LRBA: variants seen among roughly 807,000 people sequenced by gnomAD.
LRBA encodes the protein LPS responsive beige-like anchor protein, also known as lipopolysaccharide-responsive and beige-like anchor protein.
In LRBA, 176 loss-of-function variants were observed where a neutral mutation model predicts 330.0. That is an observed-to-expected ratio of 0.53 (90% CI 0.47 to 0.60). The LOEUF (loss-of-function observed/expected upper bound fraction) is 0.60, where lower values mean the gene tolerates loss of function less well. Among genes scored for constraint, LRBA ranks in the 20% least tolerant of loss-of-function variants. The probability of loss-of-function intolerance (pLI) is 0.00; values close to 1 mark genes in which losing one functional copy is unlikely to be tolerated. For synonymous variants in LRBA, 1,230 were observed against 1,193.0 expected, an observed-to-expected ratio of 1.03 and a Z score of -0.64; for missense variants, 3,259 against 3,444.8, an observed-to-expected ratio of 0.95 and a Z score of 1.35.
In LRBA at chr4:150,527,311, T is replaced by C. The variant is rs768803419; in HGVS notation, c.6331-36276A>G. ...CAGAGGGCTCTGTACCTGAGGGAAG[T>C]ACTGGCTGAACCAAGGACATAATTT... is the stretch of plus-strand genomic sequence containing the variant. On this transcript the variant is annotated intron_variant, in intron 40 of 56. Coordinates refer to ENST00000651943, the MANE Select transcript of LRBA (RefSeq NM_001364905.1). Among the ~76,000 whole-genome samples the C allele has an allele frequency of 3.9e-5, 6 of 152,308 alleles. No individual in the cohort carries two copies. In the East Asian group the frequency reaches 9.6e-4, roughly 24 times the overall value.
intron 2 of LRBA, among the ~76,000 whole-genome samples, chr4:150,939,765 A>G (rs1735467353): frequency 6.6e-6 from 1 of 152,196 alleles, no homozygotes; most frequent in South Asian, 2.1e-4. Flanking sequence ...CCTTAGAGAA[A>G]GAGGTTTGCG....
intron 46 of LRBA, among the ~76,000 whole-genome samples, chr4:150,422,026 G>A (rs1337056014): frequency 2.0e-5 from 3 of 152,204 alleles, no homozygotes; most frequent in South Asian, 2.1e-4. Flanking sequence ...GGGAGGCCAA[G>A]GTGGGAGGAC....
chr4:150,431,917 C>T (rs1750435825), intron 46 of LRBA, among the ~76,000 whole-genome samples: 1 of 151,828 alleles, frequency 6.6e-6, no homozygotes, highest in Non-Finnish European at 1.5e-5. Context: ...TAAAAGATTG[C>T]TTTAGTGTAA....
At chr4:150,513,435 T>A (rs1054946337) in intron 40 of LRBA, among the ~76,000 whole-genome samples, 2 of 152,158 alleles carry the variant, frequency 1.3e-5, no homozygotes, top group African/African-American at 4.8e-5. Context: ...TGAGGTTGCT[T>A]AACTGGGATG....
At chr4:150,815,353 G>GAA (rs751501832) in intron 31 of LRBA, among the ~76,000 whole-genome samples, 1 of 127,152 alleles carries the variant, frequency 7.9e-6, no homozygotes, top group South Asian at 2.5e-4. Context: ...TTCTCCAAAG[G>GAA]AAAAAAAAAA....
intron 36 of LRBA, among the ~76,000 whole-genome samples, chr4:150,728,202 T>C (rs1193813101): frequency 6.6e-6 from 1 of 151,540 alleles, no homozygotes; most frequent in Admixed American, 6.6e-5. Context: ...GTGACAAGAG[T>C]GAAGCCTTAA....
intron 37 of LRBA, among the ~76,000 whole-genome samples, chr4:150,637,798 G>A (rs955656202): frequency 6.6e-6 from 1 of 152,166 alleles, no homozygotes; most frequent in Middle Eastern, 3.2e-3. Context: ...TGGTGGGCCA[G>A]AGGAAACAGC....
At chr4:150,542,365 G>A (rs1765397992) in intron 40 of LRBA, among the ~76,000 whole-genome samples, 1 of 152,166 alleles carries the variant, frequency 6.6e-6, no homozygotes, top group Admixed American at 6.5e-5. Flanking sequence ...AGAATTAAAT[G>A]AGTTAATGTA....
At chr4:150,937,499 T>C (rs1185719437) in intron 2 of LRBA, among the ~76,000 whole-genome samples, 1 of 152,166 alleles carries the variant, frequency 6.6e-6, no homozygotes, top group African/African-American at 2.4e-5. Flanking sequence ...TGTAATCTTA[T>C]TACCTTTTTT....
intron 40 of LRBA, chr4:150,579,077 A>C: frequency 2.8e-6 from 1 of 356,598 alleles, no homozygotes; most frequent in Non-Finnish European, 5.5e-6. Flanking sequence ...ATCGGTCTGA[A>C]GACTTGAAGT....
intron 22 of LRBA, among the ~76,000 whole-genome samples, chr4:150,865,998 G>A (rs1355402922): frequency 6.6e-6 from 1 of 152,084 alleles, no homozygotes; most frequent in Non-Finnish European, 1.5e-5. Flanking sequence ...TTACAGGCGT[G>A]AGCCACCACA....
chr4:150,883,302 A>C (rs1035562341), intron 17 of LRBA, among the ~76,000 whole-genome samples: 3 of 152,134 alleles, frequency 2.0e-5, no homozygotes, highest in Non-Finnish European at 4.4e-5. Context: ...TCTACTAAAA[A>C]TACAAAAATT....
intron 2 of LRBA, among the ~76,000 whole-genome samples, chr4:150,978,831 C>T (rs1356768820): frequency 1.3e-5 from 2 of 151,964 alleles, no homozygotes; most frequent in Non-Finnish European, 2.9e-5. Flanking sequence ...AAAATACACA[C>T]TTAGAGGAGA....
chr4:150,722,486 T>G (rs1225860252), intron 36 of LRBA, among the ~76,000 whole-genome samples: 1 of 152,128 alleles, frequency 6.6e-6, no homozygotes, highest in Non-Finnish European at 1.5e-5. Flanking sequence ...ACATGAATGT[T>G]ATAAATTTAG....
intron 33 of LRBA, among the ~76,000 whole-genome samples, chr4:150,799,387 G>A (rs1036589776): frequency 1.3e-5 from 2 of 152,140 alleles, no homozygotes; most frequent in Non-Finnish European, 2.9e-5. Flanking sequence ...AAAAGAAAAG[G>A]CAAGCAATAC....
At chr4:150,817,408 C>A in intron 30 of LRBA, 151 bp from the exon 31 acceptor site, 1 of 665,438 alleles carries the variant, frequency 1.5e-6, no homozygotes. Context: ...TTTCACCCAA[C>A]ATGAAATATC....
intron 42 of LRBA, among the ~76,000 whole-genome samples, chr4:150,480,911 T>A (rs1284636908): frequency 6.6e-6 from 1 of 152,208 alleles, no homozygotes; most frequent in Non-Finnish European, 1.5e-5. Context: ...TACAGTGTTA[T>A]ATAGAACTTT....
intron 40 of LRBA, chr4:150,579,079 A>T (rs1049415785): frequency 2.8e-6 from 1 of 358,406 alleles, no homozygotes; most frequent in African/African-American, 2.1e-5. Flanking sequence ...CGGTCTGAAG[A>T]CTTGAAGTGG....
Position 151,014,648 on chromosome 4 carries a change from G to C in LRBA, c.-6C>G. 6.3e-7 allele frequency: 1 copy of C among 1,587,712 alleles called. No individual in the cohort carries two copies. The highest frequency in any genetic ancestry group is 8.6e-7 in the Non-Finnish European group (1 of 1,163,882). On this transcript the variant is annotated 5_prime_UTR_variant, in exon 2 of 57. Coordinates refer to ENST00000651943, the MANE Select transcript of LRBA (RefSeq NM_001364905.1). Reference sequence around the variant, plus strand: ...CGATTGTCTTCGCTAGCCATTGCTAGCTCACGATAAAGGACAACTCAGAGT... The same window carrying C: ...CGATTGTCTTCGCTAGCCATTGCTACCTCACGATAAAGGACAACTCAGAGT...
Sources: gnomAD v4.1 joint callset for allele counts (sites outside exome capture counted in the v4.1 genomes callset) on GRCh38, gnomAD v4.1.1 for gene constraint, MANE v1.5 for transcripts, NCBI Gene and HGNC (gene_info 2026-07-23, HGNC 2026-07-21) for gene names.